DAB1: variants seen among roughly 807,000 people sequenced by gnomAD.
The protein encoded by DAB1 is disabled homolog 1.
A neutral mutation model predicts 64.6 loss-of-function variants in DAB1; 15 were observed. That is an observed-to-expected ratio of 0.23 (90% confidence interval 0.16 to 0.36). DAB1 has a LOEUF of 0.36. Among genes scored for constraint, DAB1 ranks in the 10% least tolerant of loss-of-function variants. The pLI is 1.00. For missense variants in DAB1, 596 were observed against 706.7 expected (o/e 0.84, Z 1.78); for synonymous variants, 235 against 251.9 (o/e 0.93, Z 0.64).
At chr1:57,633,681 A>G (rs778440131) in intron 7 of DAB1, among the ~76,000 whole-genome samples, 3 of 152,174 alleles carry the variant, frequency 2.0e-5, no homozygotes, top group Non-Finnish European at 4.4e-5. Context: ...AATTCTAATA[A>G]TATGTGCCCA....
chr1:58,015,914 GC>G (rs1646731732), intron 5 of DAB1, among the ~76,000 whole-genome samples: 1 of 152,046 alleles, frequency 6.6e-6, no homozygotes, highest in Non-Finnish European at 1.5e-5. Flanking sequence ...AAGAGACATG[GC>G]CCTTTCTCTG....
chr1:57,136,543 C>G lies in DAB1; in HGVS notation c.306G>C (p.Gly102=). ...GGIKIFDEKT[G]ALQHHHAVHE... ...AATGCCATGTGATTGCTTTACTTAC[C>G]CCTGTCTTCTCATCAAAGATTTTGA... Residue 102 remains glycine, a splice_region_variant and synonymous_variant, in exon 4 of 15, where the codon GGG becomes GGC. Coordinates refer to ENST00000371236, the MANE Select transcript of DAB1 (RefSeq NM_001365792.1). 6.8e-7 allele frequency: 1 copy of G among 1,479,528 alleles called. No homozygotes were observed. Among genetic ancestry groups the G allele is most frequent in the Non-Finnish European group, 9.2e-7 (1 of 1,091,744 alleles). The allele number at this position is 1,479,528 out of a possible 1,614,324, so 91.7% of individuals were successfully genotyped here. A position where few individuals can be genotyped will look rare whatever the true frequency, so the allele number is the denominator to read the frequency against.
In DAB1 at chr1:57,867,698, G is replaced by A. The variant is rs534308192; in HGVS notation, n.87+16301C>T. ...TCTCCATTTTTCTAGATAAAGACAC[G>A]GAGGTTCAGAGAGGTTAAGTGAATG... On this transcript the variant is annotated intron_variant and non_coding_transcript_variant, in intron 1 of 1. Transcript: ENST00000477280. 4.6e-5 allele frequency among the ~76,000 whole-genome samples: 7 copies of A among 152,212 alleles called. No individual in the cohort carries two copies. In the East Asian group the frequency reaches 7.7e-4, roughly 17 times the overall value.
chr1:58,079,826 C>T (rs888457022), intron 5 of DAB1, among the ~76,000 whole-genome samples: 5 of 152,080 alleles, frequency 3.3e-5, no homozygotes, highest in African/African-American at 9.7e-5. Flanking sequence ...GCCGAGCATA[C>T]CATCTTTTAA....
At chr1:57,712,399 G>A in intron 6 of DAB1, among the ~76,000 whole-genome samples, 1 of 152,144 alleles carries the variant, frequency 6.6e-6, no homozygotes, top group East Asian at 1.9e-4. Context: ...TGTATCACAA[G>A]GGACAGTTAA....
chr1:58,068,051 T>C (rs1648969608), intron 5 of DAB1, among the ~76,000 whole-genome samples: 1 of 152,150 alleles, frequency 6.6e-6, no homozygotes, highest in South Asian at 2.1e-4. Context: ...TCTCAAACAT[T>C]TGAAGTGGAG....
At chr1:57,756,932 A>C (rs1356284754) in intron 6 of DAB1, among the ~76,000 whole-genome samples, 1 of 152,184 alleles carries the variant, frequency 6.6e-6, no homozygotes, top group Non-Finnish European at 1.5e-5. Flanking sequence ...ATAGATTGGA[A>C]AGAGAATATA....
At chr1:57,409,350 C>A (rs942195975) in intron 1 of DAB1, among the ~76,000 whole-genome samples, 3 of 152,204 alleles carry the variant, frequency 2.0e-5, no homozygotes, top group Non-Finnish European at 4.4e-5. Context: ...GTATGGATCT[C>A]CTGGCTGTCA....
intron 3 of DAB1, among the ~76,000 whole-genome samples, chr1:58,386,021 A>G (rs1184926948): frequency 6.6e-6 from 1 of 152,224 alleles, no homozygotes; most frequent in Admixed American, 6.5e-5. Context: ...AGCATGTTTT[A>G]TAGCACGTTA....
intron 6 of DAB1, among the ~76,000 whole-genome samples, chr1:57,773,739 A>G (rs1038499603): frequency 6.6e-6 from 1 of 151,852 alleles, no homozygotes; most frequent in African/African-American, 2.4e-5. Context: ...CAGCAATTCC[A>G]CCACTATTTG....
chr1:57,781,126 C>CTCTCTCTATA (rs1557477160), intron 6 of DAB1, among the ~76,000 whole-genome samples: 4 of 27,726 alleles, frequency 1.4e-4, no homozygotes, highest in Non-Finnish European at 2.6e-4. Context: ...CTCTCTCTCT[C>CTCTCTCTATA]TATATATATA....
At chr1:57,178,904 T>C (rs905922197) in intron 2 of DAB1, among the ~76,000 whole-genome samples, 7 of 152,028 alleles carry the variant, frequency 4.6e-5, no homozygotes, top group Admixed American at 3.9e-4. Context: ...CGCCACCTCC[T>C]GGAGAATAAA....
chr1:58,070,657 G>A (rs192702169), intron 5 of DAB1, among the ~76,000 whole-genome samples: 83 of 152,306 alleles, frequency 5.4e-4, no homozygotes, highest in Non-Finnish European at 9.3e-4. Context: ...TGTGAGATGG[G>A]ATGCAGGCCT....
At chr1:57,342,990 G>A (rs1025838306) in intron 1 of DAB1, among the ~76,000 whole-genome samples, 6 of 150,482 alleles carry the variant, frequency 4.0e-5, no homozygotes, top group Non-Finnish European at 5.9e-5. Flanking sequence ...AAGGGGACCC[G>A]AGCGGGTTGC....
intron 3 of DAB1, among the ~76,000 whole-genome samples, chr1:58,460,123 G>C (rs183420609): frequency 3.0e-4 from 45 of 152,330 alleles, no homozygotes; most frequent in African/African-American, 8.2e-4. Flanking sequence ...TAAGTGCCCA[G>C]AGCTCCCTTT....
intron 6 of DAB1, among the ~76,000 whole-genome samples, chr1:57,732,949 C>T (rs926758652): frequency 6.6e-6 from 1 of 152,134 alleles, no homozygotes; most frequent in Non-Finnish European, 1.5e-5. Context: ...AAGCAAAGGG[C>T]CCTGATTTTC....
intron 3 of DAB1, among the ~76,000 whole-genome samples, chr1:58,348,650 T>G (rs1644023387): frequency 6.6e-6 from 1 of 152,206 alleles, no homozygotes; most frequent in African/African-American, 2.4e-5. Context: ...TAAAATGAAG[T>G]TTTAGAACTC....
chr1:58,072,780 G>T (rs1047041296), intron 5 of DAB1, among the ~76,000 whole-genome samples: 33 of 152,198 alleles, frequency 2.2e-4, no homozygotes, highest in African/African-American at 7.7e-4. Flanking sequence ...CAGTTCGCAA[G>T]CCTTGAATTC....
At chr1:57,989,014 A>C (rs1179275583) in intron 5 of DAB1, among the ~76,000 whole-genome samples, 1 of 152,070 alleles carries the variant, frequency 6.6e-6, no homozygotes, top group East Asian at 1.9e-4. Flanking sequence ...TGAAGTCTAC[A>C]GCCCTCCCCT....
Sources: gnomAD v4.1 joint callset for allele counts (sites outside exome capture counted in the v4.1 genomes callset) on GRCh38, gnomAD v4.1.1 for gene constraint, MANE v1.5 for transcripts, NCBI Gene and HGNC (gene_info 2026-07-23, HGNC 2026-07-21) for gene names.